The following TRPC1 variants were observed in gnomAD, a reference collection of about 807,000 sequenced individuals.
TRPC1 encodes short transient receptor potential channel 1.
A neutral mutation model predicts 88.2 loss-of-function variants in TRPC1; 42 were observed. The observed-to-expected ratio is 0.48, with a 90% CI of 0.37 to 0.62. The LOEUF (loss-of-function observed/expected upper bound fraction) is 0.62, where lower values mean the gene tolerates loss of function less well. TRPC1 is among the 20% of genes least tolerant of loss of function. The pLI is 0.00. For synonymous variants in TRPC1, 288 were observed against 331.8 expected (o/e 0.87, Z 1.43); for missense variants, 699 against 957.3 (o/e 0.73, Z 3.56).
At chr3:142,804,865 G>A (rs1485856843) in intron 12 of TRPC1, among the ~76,000 whole-genome samples, 1 of 152,074 alleles carries the variant, frequency 6.6e-6, no homozygotes, top group Non-Finnish European at 1.5e-5. Flanking sequence ...CCAGCACTTT[G>A]GGAGGCTGAG....
chr3:142,748,643 A>C (rs1934643131), intron 4 of TRPC1, among the ~76,000 whole-genome samples, 183 bp downstream of exon 4: 1 of 152,210 alleles, frequency 6.6e-6, no homozygotes, highest in African/African-American at 2.4e-5. Context: ...GTGTTCACCA[A>C]ATGCTGAATA....
rs1466550064 is a variant in TRPC1, at chr3:142,767,851, ATTG to A, written c.633-9778_633-9776del. On this transcript the variant is annotated intron_variant, in intron 4 of 12. Coordinates refer to ENST00000476941, the MANE Select transcript of TRPC1 (RefSeq NM_001251845.2). This position sits in a 1 kb window ranked among gnomAD's most constrained non-coding sequence, Gnocchi z 5.1. ...CTTTATTAGATATATGTCTGTTCAA[ATTG>A]TTTTCTTAGTTTTTAATTGGTTATC... 2.6e-5 allele frequency among the ~76,000 whole-genome samples: 4 copies of A among 151,340 alleles called. No homozygotes were observed. The highest frequency in any genetic ancestry group is 5.9e-5 in the Non-Finnish European group (4 of 67,774).
intron 3 of TRPC1, among the ~76,000 whole-genome samples, chr3:142,747,181 G>A (rs1934586706): frequency 6.6e-6 from 1 of 152,020 alleles, no homozygotes; most frequent in South Asian, 2.1e-4. Context: ...TGCCAAAGAT[G>A]TCCTTAAAAG....
At chr3:142,749,189 G>GT (rs2108047463) in intron 4 of TRPC1, among the ~76,000 whole-genome samples, 1 of 152,220 alleles carries the variant, frequency 6.6e-6, no homozygotes, top group South Asian at 2.1e-4. Flanking sequence ...CATTGCTGTG[G>GT]TCACATCATA....
chr3:142,746,271 A>G (rs2108041639), intron 3 of TRPC1, among the ~76,000 whole-genome samples: 2 of 152,180 alleles, frequency 1.3e-5, no homozygotes, highest in South Asian at 4.1e-4. Flanking sequence ...TAGGTTTTTT[A>G]TTTAATAGTA....
At chr3:142,793,915 G>C (rs989644482) in intron 9 of TRPC1, 1 of 984,962 alleles carries the variant, frequency 1.0e-6, no homozygotes, top group Admixed American at 6.2e-5. Context: ...AGTGTTTCCT[G>C]AAGTGTGGCT....
chr3:142,779,688 G>T (rs1935897085), intron 5 of TRPC1, among the ~76,000 whole-genome samples: 1 of 151,994 alleles, frequency 6.6e-6, no homozygotes, highest in Admixed American at 6.6e-5. Flanking sequence ...CCATTATATA[G>T]AAAGACTAAC....
At chr3:142,793,147 C>T (rs751391096) in intron 9 of TRPC1, among the ~76,000 whole-genome samples, 180 bp downstream of exon 9, 15 of 151,944 alleles carry the variant, frequency 9.9e-5, no homozygotes, top group Non-Finnish European at 1.8e-4. Flanking sequence ...CAGTGATAAT[C>T]CTTTGCTTTC....
At chr3:142,777,596 G>C (rs370082134) in intron 4 of TRPC1, 36 bp from the exon 5 acceptor site, 105 of 1,490,052 alleles carry the variant, frequency 7.0e-5, no homozygotes, top group Non-Finnish European at 9.2e-5. Flanking sequence ...ATGTGTATAA[G>C]TTTATTTTAC....
chr3:142,766,221 G>A (rs1935382808), intron 4 of TRPC1, among the ~76,000 whole-genome samples: 1 of 152,072 alleles, frequency 6.6e-6, no homozygotes, highest in Non-Finnish European at 1.5e-5. Flanking sequence ...TATTGATCCT[G>A]GGTGTGTCTG....
At chr3:142,801,765 AATG>A (rs1936625801) in intron 9 of TRPC1, among the ~76,000 whole-genome samples, 1 of 152,168 alleles carries the variant, frequency 6.6e-6, no homozygotes, top group Non-Finnish European at 1.5e-5. Flanking sequence ...TTTGCCTCAT[AATG>A]ATTTTATGTT....
intron 3 of TRPC1, among the ~76,000 whole-genome samples, chr3:142,746,023 C>G (rs567651639): frequency 1.4e-4 from 21 of 152,222 alleles, no homozygotes; most frequent in Non-Finnish European, 2.5e-4. Flanking sequence ...TCCCAAAGTG[C>G]TGGGATTACA....
chr3:142,728,170 G>T (rs749972356), intron 1 of TRPC1, among the ~76,000 whole-genome samples: 1 of 152,102 alleles, frequency 6.6e-6, no homozygotes, highest in Admixed American at 6.5e-5. Flanking sequence ...TGCGGTAAAT[G>T]AGTTAGAAGC....
rs1243466332 is a variant in TRPC1, at chr3:142,743,518, G to A, written c.361G>A (p.Glu121Lys). The change falls in exon 3 of 13, where the codon GAA becomes AAA. Residue 121 changes from glutamate to lysine, a missense_variant. Physicochemically the swap from Glu to Lys is moderately conservative, Grantham distance 56 (BLOSUM62 1). Around this residue, in one of 4 missense-constraint regions of TRPC1, gnomAD observed 426 missense variants for 641.3 expected, o/e 0.66. Transcript: ENST00000476941. Reference protein sequence around the residue: ...ADALLVAIDSEVVGAVDILLN... With the variant: ...ADALLVAIDSKVVGAVDILLN... ...TGCACTTTTGGTGGCAATCGACTCT[G>A]AAGTAGTGGGAGCTGTTGATATACT... The A allele has an allele frequency of 1.3e-6, 2 of 1,521,796 alleles. No homozygotes were observed. The highest frequency in any genetic ancestry group is 1.8e-6 in the Non-Finnish European group (2 of 1,141,642). The allele number at this position is 1,521,796 out of a possible 1,614,324, so 94.3% of individuals were successfully genotyped here. A position where few individuals can be genotyped will look rare whatever the true frequency, so the allele number is the denominator to read the frequency against.
intron 4 of TRPC1, among the ~76,000 whole-genome samples, chr3:142,770,367 G>T (rs113100470): frequency 2.1e-4 from 32 of 152,226 alleles, no homozygotes; most frequent in African/African-American, 7.5e-4. Flanking sequence ...AAATTGCTAG[G>T]AATACAGGCG....
intron 2 of TRPC1, among the ~76,000 whole-genome samples, chr3:142,740,216 T>G (rs1012761872): frequency 6.6e-6 from 1 of 152,230 alleles, no homozygotes; most frequent in African/African-American, 2.4e-5. Flanking sequence ...TATTTTGATT[T>G]GGAGTGGGAA....
rs1933582616 is a variant in TRPC1, at chr3:142,724,577, C to A, written c.18C>A (p.Tyr6Ter). The change falls in exon 1 of 13, where the codon TAC becomes TAA. Residue 6 changes from tyrosine to a stop codon, truncating the protein, a stop_gained. Coordinates refer to ENST00000476941, the MANE Select transcript of TRPC1 (RefSeq NM_001251845.2). LOFTEE classifies it high-confidence loss of function. This position sits in a 1 kb window ranked among gnomAD's most constrained non-coding sequence, Gnocchi z 5.6. MMAAL[Y>*]PSTDLSGASS... ...GGGCCGCGATGATGGCGGCCCTGTA[C>A]CCGAGCACGGACCTCTCGGGCGCCT... 6.3e-7 allele frequency: 1 copy of A among 1,586,862 alleles called. No individual in the cohort carries two copies. Among genetic ancestry groups the A allele is most frequent in the African/African-American group, 1.3e-5 (1 of 74,100 alleles).
rs1936309294 is a variant in TRPC1, at chr3:142,792,039, A to G, written c.1438-785A>G. On this transcript the variant is annotated intron_variant, in intron 8 of 12. Coordinates refer to ENST00000476941, the MANE Select transcript of TRPC1 (RefSeq NM_001251845.2). The surrounding 1 kb of genome is among the most constrained non-coding windows in gnomAD (Gnocchi z 4.0). ...TAGTTCTTAGATTATTGAAAAGGCA[A>G]GCTCATTATTTTACATAATTTTACT... 6.6e-6 allele frequency among the ~76,000 whole-genome samples: 1 copy of G among 152,036 alleles called. No individual in the cohort carries two copies. Among genetic ancestry groups the G allele is most frequent in the South Asian group, 2.1e-4 (1 of 4,826 alleles).
rs1264870769 is a variant in TRPC1 at position 142,806,977 on chromosome 3, A to ACAGT, written c.*747_*750dup. ...TAGAATTATATAGTTTTTGAAAAAT[A>ACAGT]CAGTCAGTAGATGTTTTATTTTTTA... On this transcript the variant is annotated 3_prime_UTR_variant, in exon 13 of 13. Transcript: ENST00000476941. The ACAGT allele has an allele frequency of 6.6e-6, 1 of 152,104 alleles. No individual in the cohort carries two copies. The allele number at this position is 152,104 out of a possible 1,614,324, so 9.4% of individuals were successfully genotyped here.
Sources: gnomAD v4.1 joint callset for allele counts (sites outside exome capture counted in the v4.1 genomes callset) on GRCh38, gnomAD v4.1.1 for gene constraint, gnomAD v4.1.1 regional missense constraint, Gnocchi (gnomAD v3.1) non-coding constraint, MANE v1.5 for transcripts, NCBI Gene and HGNC (gene_info 2026-07-23, HGNC 2026-07-21) for gene names.